ADAMTSL1: variants seen among roughly 807,000 people sequenced by gnomAD.
ADAMTSL1 encodes ADAMTS-like protein 1.
In ADAMTSL1, 126 loss-of-function variants were observed where a neutral mutation model predicts 201.8. The ratio of observed to expected loss-of-function variants is 0.62; its 90% CI spans 0.54 to 0.72. The LOEUF is 0.72. Ranked by LOEUF, ADAMTSL1 falls within the 30% of genes least tolerant of loss-of-function variation. ADAMTSL1 has a pLI of 0.00. For synonymous variants in ADAMTSL1, 1,121 were observed against 903.4 expected (o/e 1.24, Z -4.32); for missense variants, 2,679 against 2,277.8 (o/e 1.18, Z -3.59).
intron 1 of ADAMTSL1, among the ~76,000 whole-genome samples, chr9:18,503,328 T>A (rs1822938833): frequency 6.6e-6 from 1 of 151,688 alleles, no homozygotes; most frequent in Admixed American, 6.6e-5. Flanking sequence ...CATGTCTGAC[T>A]TATTTCACTT....
chr9:18,555,921 T>C (rs1455057933), intron 3 of ADAMTSL1, among the ~76,000 whole-genome samples: 1 of 151,878 alleles, frequency 6.6e-6, no homozygotes, highest in Non-Finnish European at 1.5e-5. Context: ...TGCCACACCA[T>C]GTAGAAAGGA....
rs144243799 is a variant in ADAMTSL1, at chr9:18,910,316, ATATT to A, written c.*1773_*1776del. 173 of 152,292 alleles carry A rather than the reference ATATT, an allele frequency of 1.1e-3. No individual in the cohort carries two copies. The highest frequency in any genetic ancestry group is 3.6e-3 in the African/African-American group (148 of 41,564). 9.4% of individuals were successfully genotyped at this position (152,292 alleles called of 1,614,324 possible). A position where few individuals can be genotyped will look rare whatever the true frequency, so the allele number is the denominator to read the frequency against. ...TTCTATGTCTGTATATCTTTTGTGA[ATATT>A]TATTAGGATTTCTTATTAAAAAAGT... On this transcript the variant is annotated 3_prime_UTR_variant, in exon 29 of 29. Coordinates refer to ENST00000380548, the MANE Select transcript of ADAMTSL1 (RefSeq NM_001040272.6).
chr9:18,517,354 A>AT (rs2132007819), intron 2 of ADAMTSL1, among the ~76,000 whole-genome samples: 1 of 151,438 alleles, frequency 6.6e-6, no homozygotes, highest in Non-Finnish European at 1.5e-5. Context: ...ATAGAGCCCA[A>AT]TTTTTTTACT....
chr9:18,063,184 A>G (rs1029092768), intron 1 of ADAMTSL1, among the ~76,000 whole-genome samples: 10 of 152,134 alleles, frequency 6.6e-5, no homozygotes, highest in Non-Finnish European at 1.3e-4. Flanking sequence ...CTCTTAAAAA[A>G]ACGTTTTTAA....
At chr9:18,422,576 C>T (rs766530591) in intron 2 of ADAMTSL1, among the ~76,000 whole-genome samples, 10 of 152,156 alleles carry the variant, frequency 6.6e-5, no homozygotes, top group African/African-American at 1.4e-4. Context: ...TATTTCACCA[C>T]GCACTGTGTG....
At chr9:17,999,868 T>C (rs1157806363) in intron 1 of ADAMTSL1, among the ~76,000 whole-genome samples, 5 of 150,118 alleles carry the variant, frequency 3.3e-5, no homozygotes, top group Non-Finnish European at 7.4e-5. Context: ...GGTTTTTTGT[T>C]CTTGCGACAG....
intron 2 of ADAMTSL1, among the ~76,000 whole-genome samples, chr9:18,345,217 T>C (rs1835651551): frequency 6.6e-6 from 1 of 152,266 alleles, no homozygotes; most frequent in East Asian, 1.9e-4. Flanking sequence ...AAGTTAACCC[T>C]TTTCCTGTTT....
rs530639443 is a variant in ADAMTSL1, at chr9:18,868,287, T to G, written c.4250-19544T>G. Reference sequence around the variant, plus strand: ...TCTACCAATTCCATCATCCTTGTCGTTTCTGGATTTGTTTCCATCGACTGA... The same window carrying G: ...TCTACCAATTCCATCATCCTTGTCGGTTCTGGATTTGTTTCCATCGACTGA... On this transcript the variant is annotated intron_variant, in intron 23 of 28. Coordinates refer to ENST00000380548, the MANE Select transcript of ADAMTSL1 (RefSeq NM_001040272.6). Among the ~76,000 whole-genome samples the G allele has an allele frequency of 2.6e-5, 4 of 152,334 alleles. No homozygotes were observed. In the East Asian group the frequency reaches 7.7e-4, roughly 29 times the overall value.
At chr9:18,475,820 T>G (rs897701719) in intron 1 of ADAMTSL1, among the ~76,000 whole-genome samples, 11 of 152,156 alleles carry the variant, frequency 7.2e-5, no homozygotes, top group African/African-American at 2.7e-4. Flanking sequence ...ATACATTACT[T>G]TTTTGATATT....
At chr9:18,266,166 A>G (rs1316104617) in intron 2 of ADAMTSL1, among the ~76,000 whole-genome samples, 1 of 152,126 alleles carries the variant, frequency 6.6e-6, no homozygotes, top group Non-Finnish European at 1.5e-5. Flanking sequence ...CCAATTATAC[A>G]CTTCTCATTG....
At chr9:18,143,850 A>G (rs1479402275) in intron 1 of ADAMTSL1, among the ~76,000 whole-genome samples, 1 of 152,218 alleles carries the variant, frequency 6.6e-6, no homozygotes, top group Non-Finnish European at 1.5e-5. Context: ...CATTTCCTTC[A>G]CAGAGTTTTA....
chr9:18,415,469 C>T (rs374371713), intron 2 of ADAMTSL1, among the ~76,000 whole-genome samples: 1 of 152,040 alleles, frequency 6.6e-6, no homozygotes, highest in East Asian at 1.9e-4. Flanking sequence ...TAATAGTCAA[C>T]TAAAAGATAT....
rs56137310 is a variant in ADAMTSL1, at chr9:18,135,613, A to G, written c.88-28249A>G. ...AGTTTGAGGCCAGCCTAGGCAATGT[A>G]GCAAACCCTGCTTTAAAAAAAATAC... On this transcript the variant is annotated intron_variant, in intron 1 of 29. Coordinates refer to the ADAMTSL1 transcript ENST00000680146. 6.9e-3 allele frequency among the ~76,000 whole-genome samples: 1,050 copies of G among 152,208 alleles called. 9 individuals carry two copies. The highest frequency in any genetic ancestry group is 0.024 in the African/African-American group (989 of 41,524).
At chr9:18,419,883 C>G (rs1366009297) in intron 2 of ADAMTSL1, among the ~76,000 whole-genome samples, 3 of 152,108 alleles carry the variant, frequency 2.0e-5, no homozygotes, top group African/African-American at 7.2e-5. Context: ...GCGCACGCCA[C>G]TACACCCAAC....
At chr9:18,032,586 G>A (rs1374222805) in intron 1 of ADAMTSL1, among the ~76,000 whole-genome samples, 1 of 152,192 alleles carries the variant, frequency 6.6e-6, no homozygotes, top group Non-Finnish European at 1.5e-5. Flanking sequence ...CTGGCTGGCA[G>A]TCAGCAGGGG....
At chr9:18,649,604 A>T (rs1018385851) in intron 7 of ADAMTSL1, among the ~76,000 whole-genome samples, 5 of 152,084 alleles carry the variant, frequency 3.3e-5, no homozygotes, top group Admixed American at 1.3e-4. Context: ...TTTCCTTCTA[A>T]CAGACAGGAC....
chr9:17,947,596 G>A (rs1475905203), intron 1 of ADAMTSL1, among the ~76,000 whole-genome samples: 3 of 152,060 alleles, frequency 2.0e-5, no homozygotes, highest in East Asian at 1.9e-4. Flanking sequence ...AATATTGTCC[G>A]CCACTTAAGA....
Position 18,843,594 on chromosome 9 carries a change from T to G in ADAMTSL1, c.4249+13617T>G, listed in dbSNP as rs574329302. 3.0e-3 allele frequency among the ~76,000 whole-genome samples: 445 copies of G among 150,820 alleles called. 42 individuals are homozygous for G. The highest frequency in any genetic ancestry group is 0.011 in the African/African-American group (432 of 40,172). ...TGAATGTTGCCCTGCCTTGCTGGAT[T>G]GGGGAAGTTCTCCTGGATAATATCC... On this transcript the variant is annotated intron_variant, in intron 23 of 28. Transcript: ENST00000380548.
chr9:18,778,021 C>T, intron 19 of ADAMTSL1, 115 bp downstream of exon 19: 3 of 1,351,406 alleles, frequency 2.2e-6, no homozygotes, highest in Admixed American at 5.7e-5. Flanking sequence ...TAGAGCTGGC[C>T]TCGGGGACCC....
Sources: allele counts gnomAD v4.1 joint callset (sites outside exome capture counted in the v4.1 genomes callset), GRCh38; gene constraint gnomAD v4.1.1; transcripts MANE v1.5; gene names NCBI Gene and HGNC (gene_info 2026-07-23, HGNC 2026-07-21).